PRH1: variants seen among roughly 807,000 people sequenced by gnomAD.
PRH1 encodes salivary acidic proline-rich phosphoprotein 1/2.
PRH1 carries 7 observed loss-of-function variants against 7.9 expected under a neutral mutation model. That is an observed-to-expected ratio of 0.89 (90% CI 0.50 to 1.67). PRH1 has a LOEUF of 1.67. Among genes scored for constraint, PRH1 ranks in the 40% most tolerant of loss-of-function variants. The pLI is 0.00. For synonymous variants in PRH1, 45 were observed against 80.8 expected, an observed-to-expected ratio of 0.56 and a Z score of 2.38; for missense variants, 109 against 223.6, an observed-to-expected ratio of 0.49 and a Z score of 3.27.
chr12:10,972,631 T>C (rs950414138), intron 2 of PRH1, among the ~76,000 whole-genome samples: 1 of 152,216 alleles, frequency 6.6e-6, no homozygotes, highest in Non-Finnish European at 1.5e-5. Flanking sequence ...AACTTCTCCA[T>C]AATTTTTGTT....
intron 1 of PRH1, among the ~76,000 whole-genome samples, chr12:11,113,036 C>A (rs536514691): frequency 1.3e-5 from 2 of 152,202 alleles, no homozygotes; most frequent in South Asian, 4.1e-4. Context: ...CATGAGTGAA[C>A]TCCATTTCAC....
At position 10,904,370 on chromosome 12, in the gene PRH1, G is replaced by A. The variant is rs531005096; in HGVS notation, c.-58-20095C>T. Among the ~76,000 whole-genome samples the A allele has an allele frequency of 7.2e-5, 11 of 151,982 alleles. No individual in the cohort carries two copies. The South Asian group carries it at 2.1e-3, about 29-fold the overall frequency. Reference sequence around the variant, plus strand: ...ACAGAATAGAGAACCCAGAAATAAAGACACACAACTACAGCCATCTGATGT... The same window carrying A: ...ACAGAATAGAGAACCCAGAAATAAAAACACACAACTACAGCCATCTGATGT... On this transcript the variant is annotated intron_variant, in intron 2 of 3. Coordinates refer to the PRH1 transcript ENST00000539853.
At chr12:11,063,520 A>C (rs183284198) in intron 1 of PRH1, among the ~76,000 whole-genome samples, 1 of 152,208 alleles carries the variant, frequency 6.6e-6, no homozygotes, top group East Asian at 1.9e-4. Flanking sequence ...TCCATTTCAA[A>C]TAAACAGAGC....
At chr12:11,010,424 G>A (rs547961020) in intron 1 of PRH1, among the ~76,000 whole-genome samples, 7 of 151,850 alleles carry the variant, frequency 4.6e-5, no homozygotes, top group Admixed American at 3.9e-4. Context: ...TTTTCTTCAT[G>A]GCCTTATAAT....
chr12:11,044,147 C>G (rs1368789903), intron 1 of PRH1, among the ~76,000 whole-genome samples: 2 of 152,140 alleles, frequency 1.3e-5, no homozygotes, highest in Non-Finnish European at 2.9e-5. Flanking sequence ...CACACACCTA[C>G]AGTGAACTCA....
At chr12:11,072,871 T>C (rs1944136373) in intron 1 of PRH1, among the ~76,000 whole-genome samples, 1 of 119,270 alleles carries the variant, frequency 8.4e-6, no homozygotes, top group South Asian at 2.3e-4. Context: ...CACTGTTTTA[T>C]GTCAGGGCGA....
intron 1 of PRH1, among the ~76,000 whole-genome samples, chr12:10,995,844 G>A (rs907488659): frequency 6.6e-6 from 1 of 151,982 alleles, no homozygotes; most frequent in Non-Finnish European, 1.5e-5. Context: ...AAGAGCTCAT[G>A]ATCATGTTTC....
At chr12:11,019,004 A>ACAAGC (rs1265385109) in intron 1 of PRH1, among the ~76,000 whole-genome samples, 4 of 116,514 alleles carry the variant, frequency 3.4e-5, no homozygotes, top group Admixed American at 1.9e-4. Flanking sequence ...GAGAAAAAAT[A>ACAAGC]AATTAAAAAA....
chr12:11,103,662 A>G (rs749694697), intron 1 of PRH1, among the ~76,000 whole-genome samples: 3 of 152,126 alleles, frequency 2.0e-5, no homozygotes, highest in African/African-American at 7.2e-5. Context: ...CATTGTGCAC[A>G]TGTACCCTAG....
intron 2 of PRH1, chr12:10,929,233 C>A (rs1950166411): frequency 1.2e-6 from 2 of 1,613,926 alleles, no homozygotes; most frequent in African/African-American, 1.3e-5. Context: ...ACACGTTTCT[C>A]CCAGCATAAA....
intron 1 of PRH1, among the ~76,000 whole-genome samples, chr12:11,161,506 T>G (rs1297574980): frequency 6.6e-6 from 1 of 152,188 alleles, no homozygotes. Context: ...AATGAGTCTC[T>G]GGCCCTAGGG....
chr12:11,164,847 A>G (rs1197777030), intron 1 of PRH1, among the ~76,000 whole-genome samples: 1 of 152,198 alleles, frequency 6.6e-6, no homozygotes, highest in Non-Finnish European at 1.5e-5. Flanking sequence ...TTGGCAAATT[A>G]TACAGATTAA....
downstream of PRH1, among the ~76,000 whole-genome samples, chr12:11,118,050 A>C (rs188728276): frequency 6.6e-6 from 1 of 152,188 alleles, no homozygotes; most frequent in Non-Finnish European, 1.5e-5. Flanking sequence ...GCAACCAAGT[A>C]AAAAATGCAC....
At chr12:11,017,856 C>A (rs1184598141) in intron 1 of PRH1, among the ~76,000 whole-genome samples, 1 of 150,830 alleles carries the variant, frequency 6.6e-6, no homozygotes, top group Non-Finnish European at 1.5e-5. Context: ...AGAAGCACGG[C>A]GTTTATTGAG....
chr12:11,143,680 T>G (rs1224285295), intron 1 of PRH1, among the ~76,000 whole-genome samples: 1 of 152,028 alleles, frequency 6.6e-6, no homozygotes, highest in Non-Finnish European at 1.5e-5. Flanking sequence ...AAAAGAGGAA[T>G]AGCTATACTA....
intron 1 of PRH1, among the ~76,000 whole-genome samples, chr12:11,104,508 T>C (rs200254984): frequency 1.1e-3 from 154 of 144,428 alleles, no homozygotes; most frequent in Middle Eastern, 7.3e-3. Flanking sequence ...TATTATTCTG[T>C]TGTAAACATG....
At chr12:10,959,332 T>C (rs2110097) in intron 2 of PRH1, among the ~76,000 whole-genome samples, 15,878 of 44,036 alleles carry the variant, frequency 0.36, 1,051 homozygotes, top group South Asian at 0.48. Flanking sequence ...AATAGTCTAT[T>C]AGAGAAAGGA....
At chr12:10,933,992 T>A (rs1173448076) in intron 2 of PRH1, among the ~76,000 whole-genome samples, 1 of 152,164 alleles carries the variant, frequency 6.6e-6, no homozygotes, top group Non-Finnish European at 1.5e-5. Context: ...AAAACCATTG[T>A]AATTAAAATA....
chr12:11,166,098 G>A (rs554547978), intron 1 of PRH1: 10 of 152,334 alleles, frequency 6.6e-5, no homozygotes, highest in East Asian at 1.9e-4. Flanking sequence ...GCTGAAAGCC[G>A]GTTTTCTCCC....
Sources: gnomAD v4.1 joint callset for allele counts (sites outside exome capture counted in the v4.1 genomes callset) on GRCh38, gnomAD v4.1.1 for gene constraint, MANE v1.5 for transcripts, NCBI Gene and HGNC (gene_info 2026-07-23, HGNC 2026-07-21) for gene names.